VPS13B: variants seen among roughly 807,000 people sequenced by gnomAD.
VPS13B encodes the protein vacuolar protein sorting 13 homolog B.
Under a neutral mutation model 426.4 loss-of-function variants are expected in VPS13B, and 285 were observed. The observed-to-expected ratio is 0.67, with a 90% CI of 0.61 to 0.74. VPS13B has a LOEUF of 0.74. VPS13B is among the 30% of genes least tolerant of loss of function. The pLI is 0.00. For synonymous variants in VPS13B, 1,676 were observed against 1,676.4 expected (o/e 1.00, Z 0.01); for missense variants, 4,537 against 4,782.6 (o/e 0.95, Z 1.51).
At chr8:99,226,188 G>T (rs1816007209) in intron 17 of VPS13B, among the ~76,000 whole-genome samples, 1 of 152,046 alleles carries the variant, frequency 6.6e-6, no homozygotes. Context: ...TACATTTCTA[G>T]CCAAAACATA....
intron 22 of VPS13B, among the ~76,000 whole-genome samples, chr8:99,441,211 A>G (rs1817661358): frequency 1.3e-5 from 2 of 152,094 alleles, no homozygotes; most frequent in South Asian, 2.1e-4. Context: ...CAGTTTGGCC[A>G]TGCCCCAAAA....
Position 99,466,362 on chromosome 8 carries a change from G to T in VPS13B, c.3446-1052G>T, listed in dbSNP as rs560796070. On this transcript the variant is annotated intron_variant, in intron 23 of 61. Transcript: ENST00000357162. ...GTCCTCAATTTGTTCTAAAATAATT[G>T]AATTACTAAAAATGATGTTCGTGTT... is the stretch of plus-strand genomic sequence containing the variant. Among the ~76,000 whole-genome samples the T allele has an allele frequency of 2.4e-4, 36 of 152,068 alleles. 1 individual carries two copies. Among genetic ancestry groups the T allele is most frequent in the Admixed American group, 2.1e-3 (32 of 15,254 alleles).
At chr8:99,193,124 T>G (rs1201164377) in intron 17 of VPS13B, 67 bp downstream of exon 17, 1 of 1,490,310 alleles carries the variant, frequency 6.7e-7, no homozygotes, top group Non-Finnish European at 9.3e-7. Context: ...TATTTTATTA[T>G]GAAAATCCAT....
chr8:99,199,755 C>T (rs775768859), intron 17 of VPS13B, among the ~76,000 whole-genome samples: 4 of 152,082 alleles, frequency 2.6e-5, no homozygotes, highest in Non-Finnish European at 5.9e-5. Context: ...TCTACTTGTA[C>T]TTCAGAAAAA....
Position 99,784,318 on chromosome 8 carries a change from A to G in VPS13B, c.7783A>G (p.Lys2595Glu), listed in dbSNP as rs764833562. Reference sequence around the variant, plus strand: ...TTTCGTATCCTTTTTCTTTCAGAACAAATGCCCTGAGGTAGAGGAGTTGGT... The same window carrying G: ...TTTCGTATCCTTTTTCTTTCAGAACGAATGCCCTGAGGTAGAGGAGTTGGT... ...NTAIQAWQQN[K>E]CPEVEELVFS... Residue 2595 changes from lysine to glutamate, a missense_variant, in exon 43 of 62, where the codon AAA becomes GAA. Around this residue, in one of 2 missense-constraint regions of VPS13B, gnomAD observed 4,311 missense variants for 4,474.3 expected, o/e 0.96. Transcript: ENST00000357162. 2.5e-6 allele frequency: 4 copies of G among 1,613,670 alleles called. No homozygotes were observed. In the South Asian group the frequency reaches 3.3e-5, roughly 13 times the overall value.
chr8:99,521,504 G>C (rs564863907), intron 30 of VPS13B, among the ~76,000 whole-genome samples: 4 of 152,294 alleles, frequency 2.6e-5, no homozygotes, highest in South Asian at 2.1e-4. Flanking sequence ...AAAATGCTAT[G>C]CTCTGGATTT....
intron 19 of VPS13B, among the ~76,000 whole-genome samples, chr8:99,333,840 T>A (rs1384292209): frequency 3.9e-5 from 6 of 152,164 alleles, no homozygotes; most frequent in East Asian, 1.9e-4. Flanking sequence ...CATGTATGTA[T>A]CAGTGTCTAG....
chr8:99,294,491 GTAAC>G (rs1819925582), intron 19 of VPS13B, among the ~76,000 whole-genome samples: 2 of 150,010 alleles, frequency 1.3e-5, no homozygotes, highest in African/African-American at 4.9e-5. Context: ...GTATACATAT[GTAAC>G]TAACCTGCAC....
intron 17 of VPS13B, among the ~76,000 whole-genome samples, chr8:99,219,656 GA>G (rs1815588808): frequency 6.6e-6 from 1 of 152,194 alleles, no homozygotes. Context: ...GCACACTGGT[GA>G]GGGGGGCTAG....
At chr8:99,778,543 A>G (rs890567313) in intron 41 of VPS13B, 139 bp from the exon 42 acceptor site, 17 of 791,212 alleles carry the variant, frequency 2.1e-5, no homozygotes, top group Middle Eastern at 3.4e-4. Context: ...TATCTTCAAT[A>G]AATAATTTGA....
intron 3 of VPS13B, among the ~76,000 whole-genome samples, chr8:99,062,186 C>G (rs1245555155): frequency 2.0e-5 from 3 of 152,154 alleles, no homozygotes; most frequent in Non-Finnish European, 4.4e-5. Flanking sequence ...GCTTCTGATT[C>G]CCTATGCGTT....
In VPS13B at chr8:99,809,375, CT is replaced by C; in HGVS notation, c.7943del (p.Leu2648ArgfsTer69). ...TGACGATTATTGTTTTTTTCTCCAG[CT>C]GTTACACATCTGTATTGAAGGTTGG... ...YSWRSHKSPQ[L>X]LHICIEGWGN... is the part of the protein sequence containing the mutation. On this transcript the variant is annotated frameshift_variant and splice_region_variant, in exon 44 of 62. Coordinates refer to ENST00000357162, the MANE Select transcript of VPS13B (RefSeq NM_152564.5). LOFTEE classifies it high-confidence loss of function. The C allele has an allele frequency of 1.2e-6, 2 of 1,613,954 alleles. No individual in the cohort carries two copies. Among genetic ancestry groups the C allele is most frequent in the Non-Finnish European group, 1.7e-6 (2 of 1,179,924 alleles).
chr8:99,727,473 A>G (rs897644599), intron 39 of VPS13B, among the ~76,000 whole-genome samples: 1 of 152,232 alleles, frequency 6.6e-6, no homozygotes, highest in African/African-American at 2.4e-5. Flanking sequence ...TTGGACTTAC[A>G]GTTCCACATG....
At chr8:99,752,557 C>G (rs1001650101) in intron 39 of VPS13B, among the ~76,000 whole-genome samples, 1 of 152,166 alleles carries the variant, frequency 6.6e-6, no homozygotes, top group African/African-American at 2.4e-5. Flanking sequence ...TTCTATAGCC[C>G]TTTACAGGCA....
chr8:99,272,081 T>C, intron 17 of VPS13B, among the ~76,000 whole-genome samples: 1 of 152,220 alleles, frequency 6.6e-6, no homozygotes, highest in East Asian at 1.9e-4. Flanking sequence ...TCTTCTTGAA[T>C]ACCCTAGAGT....
intron 16 of VPS13B, among the ~76,000 whole-genome samples, chr8:99,178,157 T>A (rs1283029360): frequency 1.3e-5 from 2 of 151,428 alleles, no homozygotes; most frequent in Non-Finnish European, 3.0e-5. Flanking sequence ...ATTTTTTATT[T>A]TATTTTTTTT....
intron 24 of VPS13B, among the ~76,000 whole-genome samples, chr8:99,477,223 A>G (rs942868993): frequency 2.9e-4 from 44 of 152,196 alleles, no homozygotes; most frequent in African/African-American, 1.0e-3. Context: ...TAAAAGGAGT[A>G]TCATGGACCC....
At chr8:99,746,877 G>A (rs1381149687) in intron 39 of VPS13B, among the ~76,000 whole-genome samples, 1 of 152,038 alleles carries the variant, frequency 6.6e-6, no homozygotes, top group Admixed American at 6.6e-5. Flanking sequence ...CTGGACCATT[G>A]GAGCCTAGCA....
At chr8:99,754,681 T>G (rs953307250) in intron 39 of VPS13B, among the ~76,000 whole-genome samples, 2 of 152,216 alleles carry the variant, frequency 1.3e-5, no homozygotes, top group African/African-American at 2.4e-5. Flanking sequence ...ACCTATGTAC[T>G]TGTCTACTAA....
Sources: gnomAD v4.1 joint callset for allele counts (sites outside exome capture counted in the v4.1 genomes callset) on GRCh38, gnomAD v4.1.1 for gene constraint, gnomAD v4.1.1 regional missense constraint, MANE v1.5 for transcripts, NCBI Gene and HGNC (gene_info 2026-07-23, HGNC 2026-07-21) for gene names.